The following PCDH15 variants were observed in gnomAD, a reference collection of about 807,000 sequenced individuals.
The protein encoded by PCDH15 is protocadherin related 15.
A neutral mutation model predicts 178.5 loss-of-function variants in PCDH15; 129 were observed. The ratio of observed to expected loss-of-function variants is 0.72; its 90% CI spans 0.63 to 0.84. PCDH15 has a LOEUF of 0.84. Among genes scored for constraint, PCDH15 ranks in the 40% least tolerant of loss-of-function variants. The pLI is 0.00. For missense variants in PCDH15, 2,230 were observed against 2,099.9 expected (o/e 1.06, Z -1.21); for synonymous variants, 800 against 732.0 (o/e 1.09, Z -1.50).
At chr10:54,764,339 C>A (rs930849873) in intron 1 of PCDH15, among the ~76,000 whole-genome samples, 27 of 151,998 alleles carry the variant, frequency 1.8e-4, no homozygotes, top group Non-Finnish European at 3.4e-4. Flanking sequence ...ATCTATTTCC[C>A]TTTAGAATCT....
rs115727333 is a variant in PCDH15 at position 54,235,419 on chromosome 10, C to T, written c.985+1404G>A. ...AAATAAACTTGAACACCAATGCATC[C>T]AACTGGCTCTGAGTATCATAATTAT... On this transcript the variant is annotated intron_variant, in intron 9 of 37. Coordinates refer to ENST00000644397, the MANE Select transcript of PCDH15 (RefSeq NM_001384140.1). Among the ~76,000 whole-genome samples, 919 of 152,262 alleles carry T rather than the reference C, an allele frequency of 6.0e-3. 9 individuals are homozygous for T. Among genetic ancestry groups the T allele is most frequent in the African/African-American group, 0.018 (754 of 41,538 alleles).
intron 1 of PCDH15, among the ~76,000 whole-genome samples, chr10:55,269,736 C>G (rs1842391456): frequency 6.6e-6 from 1 of 152,048 alleles, no homozygotes; most frequent in Non-Finnish European, 1.5e-5. Context: ...CAATGCTATT[C>G]CTATCAAACT....
intron 2 of PCDH15, among the ~76,000 whole-genome samples, chr10:55,449,070 G>T: frequency 6.6e-6 from 1 of 151,864 alleles, no homozygotes; most frequent in East Asian, 1.9e-4. Context: ...GATAGATCTA[G>T]GCATTGATTG....
At chr10:55,037,940 T>G (rs1840777921) in intron 2 of PCDH15, among the ~76,000 whole-genome samples, 1 of 152,200 alleles carries the variant, frequency 6.6e-6, no homozygotes, top group African/African-American at 2.4e-5. Flanking sequence ...GTACCCATAT[T>G]ATTTATTCTG....
intron 1 of PCDH15, among the ~76,000 whole-genome samples, chr10:54,731,545 G>GATATATATATATATATATATATATATAT (rs1167781763): frequency 2.4e-4 from 19 of 80,286 alleles, no homozygotes; most frequent in South Asian, 5.2e-4. Context: ...ATGTGAGATA[G>GATATATATATATATATATATATATATAT]ATATATATAT....
chr10:54,802,215 G>T (rs1952682884), upstream of PCDH15, among the ~76,000 whole-genome samples: 1 of 152,134 alleles, frequency 6.6e-6, no homozygotes, highest in East Asian at 1.9e-4. Context: ...AGAAGAAAAA[G>T]AAAACCATGC....
At chr10:54,792,761 T>C (rs1205747844) in intron 1 of PCDH15, among the ~76,000 whole-genome samples, 2 of 151,850 alleles carry the variant, frequency 1.3e-5, no homozygotes, top group Non-Finnish European at 1.5e-5. Flanking sequence ...TATCTACAGA[T>C]AGACAGACAA....
At chr10:55,490,628 C>T (rs895080252) in intron 2 of PCDH15, among the ~76,000 whole-genome samples, 3 of 151,748 alleles carry the variant, frequency 2.0e-5, no homozygotes, top group Non-Finnish European at 3.0e-5. Flanking sequence ...AGCTAAAAAA[C>T]GTACATTGAA....
chr10:55,528,944 T>C (rs1380944173), intron 2 of PCDH15, among the ~76,000 whole-genome samples: 2 of 152,144 alleles, frequency 1.3e-5, no homozygotes, highest in Non-Finnish European at 2.9e-5. Flanking sequence ...TGGTATCTCA[T>C]TGTGGTTTTT....
At chr10:55,220,492 C>T (rs982630724) in intron 1 of PCDH15, among the ~76,000 whole-genome samples, 16 of 151,880 alleles carry the variant, frequency 1.1e-4, no homozygotes, top group Admixed American at 8.5e-4. Flanking sequence ...CCTTGTTGTA[C>T]GAACATTATA....
intron 8 of PCDH15, among the ~76,000 whole-genome samples, chr10:54,288,554 T>A (rs1591603449): frequency 6.6e-6 from 1 of 152,036 alleles, no homozygotes; most frequent in Non-Finnish European, 1.5e-5. Flanking sequence ...CACAGCAGGG[T>A]GGGGTGTCAC....
At chr10:55,093,477 G>C (rs985642598) in intron 2 of PCDH15, among the ~76,000 whole-genome samples, 2 of 151,984 alleles carry the variant, frequency 1.3e-5, no homozygotes, top group African/African-American at 4.8e-5. Context: ...AAGCTCTTTA[G>C]TTGAATTAGA....
At chr10:53,919,575 G>A (rs2083821798) in intron 25 of PCDH15, among the ~76,000 whole-genome samples, 1 of 152,094 alleles carries the variant, frequency 6.6e-6, no homozygotes, top group Non-Finnish European at 1.5e-5. Context: ...GGCTTGGAGG[G>A]ATTAAATAAC....
chr10:54,686,095 T>C (rs1018761704), intron 1 of PCDH15, among the ~76,000 whole-genome samples: 1 of 147,160 alleles, frequency 6.8e-6, no homozygotes, highest in Admixed American at 6.9e-5. Context: ...ACCATGTTGG[T>C]CAGGCTAGTC....
intron 3 of PCDH15, among the ~76,000 whole-genome samples, chr10:54,436,035 A>AG (rs1177055643): frequency 0.023 from 526 of 22,704 alleles, 14 homozygotes; most frequent in African/African-American, 0.12. Context: ...AGGAGAGGAG[A>AG]GAGAGAGAGA....
At position 53,856,114 on chromosome 10, in the gene PCDH15, G is replaced by C. The variant is rs181225400; in HGVS notation, c.3806+1061C>G. 8.3e-3 allele frequency among the ~76,000 whole-genome samples: 1,261 copies of C among 151,302 alleles called. 19 individuals are homozygous for C. Among genetic ancestry groups the C allele is most frequent in the African/African-American group, 0.029 (1,175 of 41,210 alleles). ...GCATAAAGATGATACAATGGAGTTT[G>C]GGGACTCAGGGGAAAGGGTGGGATG... On this transcript the variant is annotated intron_variant, in intron 28 of 37. Coordinates refer to ENST00000644397, the MANE Select transcript of PCDH15 (RefSeq NM_001384140.1).
chr10:54,214,204 T>C (rs2051749781), intron 9 of PCDH15, among the ~76,000 whole-genome samples, 156 bp from the exon 10 acceptor site: 1 of 152,170 alleles, frequency 6.6e-6, no homozygotes, highest in African/African-American at 2.4e-5. Context: ...CAGACACAAA[T>C]GTGGTATATA....
At chr10:53,932,646 TAC>T (rs1564802004) in intron 25 of PCDH15, among the ~76,000 whole-genome samples, 16 of 152,312 alleles carry the variant, frequency 1.1e-4, no homozygotes, top group African/African-American at 3.8e-4. Flanking sequence ...TATAAAGGAA[TAC>T]TCATACAAAG....
chr10:54,966,024 A>AT (rs1564671675), intron 2 of PCDH15, among the ~76,000 whole-genome samples: 2 of 151,528 alleles, frequency 1.3e-5, no homozygotes, highest in African/African-American at 4.8e-5. Context: ...TAAATATATC[A>AT]TATATATTAG....
Sources: gnomAD v4.1 joint callset for allele counts (sites outside exome capture counted in the v4.1 genomes callset) on GRCh38, gnomAD v4.1.1 for gene constraint, MANE v1.5 for transcripts, NCBI Gene and HGNC (gene_info 2026-07-23, HGNC 2026-07-21) for gene names.